The following BRINP3 variants were observed in gnomAD, a reference collection of about 807,000 sequenced individuals.
BRINP3 encodes BMP/retinoic acid-inducible neural-specific protein 3.
Under a neutral mutation model 71.0 loss-of-function variants are expected in BRINP3, and 19 were observed. The ratio of observed to expected loss-of-function variants is 0.27; its 90% CI spans 0.19 to 0.39. BRINP3 has a LOEUF of 0.39. Among genes scored for constraint, BRINP3 ranks in the 10% least tolerant of loss-of-function variants. BRINP3 has a pLI of 1.00. For missense variants in BRINP3, 959 were observed against 940.8 expected (o/e 1.02, Z -0.25); for synonymous variants, 380 against 337.7 (o/e 1.13, Z -1.37).
chr1:190,185,198 A>G (rs1653405379), intron 6 of BRINP3, among the ~76,000 whole-genome samples: 1 of 152,164 alleles, frequency 6.6e-6, no homozygotes, highest in African/African-American at 2.4e-5. Flanking sequence ...ATATTTGCAA[A>G]TATTTTATAT....
chr1:190,390,394 G>C (rs1671177817), intron 2 of BRINP3, among the ~76,000 whole-genome samples: 1 of 151,796 alleles, frequency 6.6e-6, no homozygotes, highest in African/African-American at 2.4e-5. Context: ...TGAATGCTTA[G>C]ATAGAAAAGA....
Position 190,351,674 on chromosome 1 carries a change from G to A in BRINP3, c.237-69924C>T, listed in dbSNP as rs1419130225. ...TACAAGAAACAATCACAGAACTAAG[G>A]TTTCTATTAATTTCTATGTAGGCTA... is the stretch of plus-strand genomic sequence containing the variant. On this transcript the variant is annotated intron_variant, in intron 2 of 7. Coordinates refer to ENST00000367462, the MANE Select transcript of BRINP3 (RefSeq NM_199051.3). Among the ~76,000 whole-genome samples the A allele has an allele frequency of 2.6e-5, 4 of 151,928 alleles. 1 individual carries two copies. The South Asian group carries it at 8.3e-4, about 31-fold the overall frequency.
At chr1:190,140,366 A>C (rs1655332623) in intron 7 of BRINP3, among the ~76,000 whole-genome samples, 1 of 152,092 alleles carries the variant, frequency 6.6e-6, no homozygotes, top group Admixed American at 6.6e-5. Flanking sequence ...CTACAATTAT[A>C]TGTGATACTA....
chr1:190,376,103 C>G (rs1247170459), intron 2 of BRINP3, among the ~76,000 whole-genome samples: 2 of 151,832 alleles, frequency 1.3e-5, no homozygotes, highest in Non-Finnish European at 2.9e-5. Context: ...AACAGTGTAA[C>G]TACAGAACTA....
At chr1:190,238,818 G>T (rs1284204842) in intron 4 of BRINP3, among the ~76,000 whole-genome samples, 2 of 152,144 alleles carry the variant, frequency 1.3e-5, no homozygotes, top group African/African-American at 4.8e-5. Flanking sequence ...CACTTGCAAT[G>T]AGGTTGGTAT....
intron 1 of BRINP3, among the ~76,000 whole-genome samples, chr1:190,459,759 C>G (rs1051631160): frequency 2.6e-5 from 4 of 152,008 alleles, no homozygotes; most frequent in African/African-American, 9.7e-5. Context: ...TGCTGAAGAA[C>G]TTGAATATGC....
chr1:190,192,013 T>A (rs1001680806), intron 6 of BRINP3, among the ~76,000 whole-genome samples: 1 of 152,264 alleles, frequency 6.6e-6, no homozygotes, highest in South Asian at 2.1e-4. Flanking sequence ...AAAAAAAATC[T>A]GTCCTTGCTG....
chr1:190,281,251 C>T (rs1489123253), intron 3 of BRINP3, among the ~76,000 whole-genome samples: 2 of 151,884 alleles, frequency 1.3e-5, no homozygotes, highest in African/African-American at 4.8e-5. Context: ...CCTGTGACTT[C>T]TTATTATTCA....
chr1:190,183,898 T>C (rs762891672), intron 6 of BRINP3, among the ~76,000 whole-genome samples: 19 of 152,014 alleles, frequency 1.2e-4, no homozygotes, highest in Admixed American at 2.0e-4. Flanking sequence ...GCTGCAGCAT[T>C]TTATGTGGTG....
intron 2 of BRINP3, among the ~76,000 whole-genome samples, chr1:190,395,949 A>C (rs1558248414): frequency 6.6e-6 from 1 of 151,558 alleles, no homozygotes; most frequent in Non-Finnish European, 1.5e-5. Flanking sequence ...TAAGAAAAAT[A>C]ATGAAAGAAA....
Position 190,098,615 on chromosome 1 carries a change from C to A in BRINP3, c.1704G>T (p.Val568=), listed in dbSNP as rs780559170. 16 of 1,614,068 alleles carry A rather than the reference C, an allele frequency of 9.9e-6. No homozygotes were observed. In the African/African-American group the frequency reaches 1.7e-4, roughly 18 times the overall value. The change falls in exon 8 of 8, where the codon GTG becomes GTT. Residue 568 remains valine (V), a synonymous_variant. Coordinates refer to ENST00000367462, the MANE Select transcript of BRINP3 (RefSeq NM_199051.3). ...CGAAGGGATTGACATAAACAGCCAA[C>A]ACTGGCTCCAAGGTGCTGTTTTTAG... ...CLTKNSTLEP[V]LAVYVNPFGG...
rs1661535754 is a variant in BRINP3 at position 190,265,059 on chromosome 1, C to A, written c.428-4G>T. 2 of 1,579,762 alleles carry A rather than the reference C, an allele frequency of 1.3e-6. No individual in the cohort carries two copies. The highest frequency in any genetic ancestry group is 4.6e-5 in the East Asian group (2 of 43,488). ...AAAATTGTGAGTGACTCCTCTCCTG[C>A]ATTAATAATATTTCAAATTATTCAA... On this transcript the variant is annotated splice_region_variant and splice_polypyrimidine_tract_variant and intron_variant, in intron 3 of 7. Transcript: ENST00000367462.
At chr1:190,124,046 A>G (rs1043136317) in intron 7 of BRINP3, among the ~76,000 whole-genome samples, 5 of 152,108 alleles carry the variant, frequency 3.3e-5, no homozygotes, top group Admixed American at 6.6e-5. Flanking sequence ...CCCTTATGCT[A>G]TGATTTGAAT....
At chr1:190,265,978 T>C (rs954536259) in intron 3 of BRINP3, among the ~76,000 whole-genome samples, 1 of 152,186 alleles carries the variant, frequency 6.6e-6, no homozygotes, top group Non-Finnish European at 1.5e-5. Context: ...ATTTAGGTAG[T>C]AGCAATTGGT....
intron 2 of BRINP3, among the ~76,000 whole-genome samples, chr1:190,299,342 CTTTT>C (rs1664494732): frequency 6.6e-6 from 1 of 151,628 alleles, no homozygotes; most frequent in Non-Finnish European, 1.5e-5. Flanking sequence ...ACAATGCTTT[CTTTT>C]GTTTCTGTTT....
At chr1:190,468,135 TC>T (rs765868366) in intron 1 of BRINP3, among the ~76,000 whole-genome samples, 11 of 151,378 alleles carry the variant, frequency 7.3e-5, no homozygotes, top group Non-Finnish European at 1.6e-4. Flanking sequence ...TGGTTTCAGA[TC>T]TTGAGCAAAT....
chr1:190,202,510 G>C (rs2265670), intron 6 of BRINP3, among the ~76,000 whole-genome samples: 64,259 of 151,830 alleles, frequency 0.42, 13,858 homozygotes, highest in Non-Finnish European at 0.46. Context: ...AAAATGTGAA[G>C]ATACACGATT....
chr1:190,312,597 G>A (rs778091522), intron 2 of BRINP3, among the ~76,000 whole-genome samples: 6 of 151,492 alleles, frequency 4.0e-5, no homozygotes, highest in Non-Finnish European at 8.9e-5. Context: ...ATCAATATTC[G>A]CAGGCTTTCT....
intron 6 of BRINP3, among the ~76,000 whole-genome samples, chr1:190,200,181 T>C (rs895045755): frequency 2.0e-5 from 3 of 152,152 alleles, no homozygotes; most frequent in African/African-American, 7.2e-5. Context: ...AAGACAGATT[T>C]TGAGTTCTTC....
Sources: allele counts gnomAD v4.1 joint callset (sites outside exome capture counted in the v4.1 genomes callset), GRCh38; gene constraint gnomAD v4.1.1; transcripts MANE v1.5; gene names NCBI Gene and HGNC (gene_info 2026-07-23, HGNC 2026-07-21).